SORCS2: variants seen among roughly 807,000 people sequenced by gnomAD.
SORCS2 encodes VPS10 domain-containing receptor SorCS2.
In SORCS2, 100 loss-of-function variants were observed where a neutral mutation model predicts 141.6. That is an observed-to-expected ratio of 0.71 (90% CI 0.60 to 0.83). The LOEUF (loss-of-function observed/expected upper bound fraction) is 0.83, where lower values mean the gene tolerates loss of function less well. SORCS2 is among the 40% of genes least tolerant of loss of function. SORCS2 has a pLI of 0.00. For missense variants in SORCS2, 1,646 were observed against 1,560.2 expected (o/e 1.05, Z -0.93); for synonymous variants, 789 against 676.9 (o/e 1.17, Z -2.57).
At chr4:7,735,891 A>G (rs1712126966) in intron 25 of SORCS2, among the ~76,000 whole-genome samples, 1 of 152,192 alleles carries the variant, frequency 6.6e-6, no homozygotes, top group Non-Finnish European at 1.5e-5. Flanking sequence ...AGGAGGTGGC[A>G]GGGGCGGCCT....
intron 1 of SORCS2, among the ~76,000 whole-genome samples, chr4:7,263,858 A>G (rs1208367888): frequency 6.6e-6 from 1 of 152,176 alleles, no homozygotes. Context: ...TCATCCACGG[A>G]GCTTGCTGGG....
intron 1 of SORCS2, among the ~76,000 whole-genome samples, chr4:7,222,948 C>T (rs1455719109): frequency 1.3e-5 from 2 of 152,138 alleles, no homozygotes; most frequent in African/African-American, 2.4e-5. Context: ...GACTTCTTTG[C>T]TTTTTTCAGG....
In SORCS2 at chr4:7,664,654, G is replaced by A. The variant is rs964096323; in HGVS notation, c.1071+183G>A. ...GCTGCAGCCATCCACAGAAGCCCTC[G>A]CAAGCCCAGAACTGTGGCTCAGGGA... On this transcript the variant is annotated intron_variant, in intron 7 of 26. Transcript: ENST00000507866. This position sits in a 1 kb window ranked among gnomAD's most constrained non-coding sequence, Gnocchi z 4.7. Among the ~76,000 whole-genome samples, 1 of 152,130 alleles carries A rather than the reference G, an allele frequency of 6.6e-6. No homozygotes were observed. The highest frequency in any genetic ancestry group is 1.5e-5 in the Non-Finnish European group (1 of 68,024).
intron 1 of SORCS2, among the ~76,000 whole-genome samples, chr4:7,386,192 C>A (rs1254180832): frequency 7.4e-6 from 1 of 136,018 alleles, no homozygotes; most frequent in African/African-American, 2.9e-5. Flanking sequence ...CACATGCACA[C>A]ACATACACAT....
At chr4:7,538,866 G>A (rs1364405613) in intron 3 of SORCS2, among the ~76,000 whole-genome samples, 2 of 152,232 alleles carry the variant, frequency 1.3e-5, no homozygotes, top group Admixed American at 1.3e-4. Context: ...TTTTTAAGAA[G>A]CTCAAAGTAT....
chr4:7,197,332 T>C (rs1486203457), intron 1 of SORCS2, among the ~76,000 whole-genome samples: 1 of 152,232 alleles, frequency 6.6e-6, no homozygotes, highest in Non-Finnish European at 1.5e-5. Flanking sequence ...GTATGGATTT[T>C]GGTGGGGGGA....
chr4:7,337,375 G>T (rs1225373274), intron 1 of SORCS2, among the ~76,000 whole-genome samples: 1 of 152,184 alleles, frequency 6.6e-6, no homozygotes, highest in African/African-American at 2.4e-5. Flanking sequence ...GAGTGGTCAG[G>T]CTTCATGCCG....
chr4:7,551,903 G>T (rs1713734691), intron 3 of SORCS2, among the ~76,000 whole-genome samples: 1 of 152,204 alleles, frequency 6.6e-6, no homozygotes, highest in Non-Finnish European at 1.5e-5. Flanking sequence ...TAATTACTCT[G>T]GTGTAAGAGA....
chr4:7,268,531 G>T (rs1245749531), intron 1 of SORCS2, among the ~76,000 whole-genome samples: 3 of 152,216 alleles, frequency 2.0e-5, no homozygotes, highest in Non-Finnish European at 4.4e-5. Flanking sequence ...GCCAGGATCA[G>T]GCACTGCTGT....
At chr4:7,449,520 G>T (rs1382020322) in intron 2 of SORCS2, among the ~76,000 whole-genome samples, 2 of 150,838 alleles carry the variant, frequency 1.3e-5, no homozygotes, top group Non-Finnish European at 2.9e-5. Flanking sequence ...CTCCCTGCCT[G>T]TGAGATGGGG....
chr4:7,643,838 A>G (rs932598399), intron 4 of SORCS2, among the ~76,000 whole-genome samples: 2 of 152,196 alleles, frequency 1.3e-5, no homozygotes, highest in Non-Finnish European at 2.9e-5. Flanking sequence ...CAGCAGGTTC[A>G]TGAACTGCCC....
rs1308597297 is a variant in SORCS2, at chr4:7,393,150, T to C, written c.481-3138T>C. 1.3e-5 allele frequency among the ~76,000 whole-genome samples: 2 copies of C among 152,160 alleles called. 1 individual carries two copies. Among genetic ancestry groups the C allele is most frequent in the Non-Finnish European group, 2.9e-5 (2 of 68,032 alleles). Reference sequence around the variant, plus strand: ...AGTGGCAGCCGCGGCCGACCTCTTGTGGACAGCAGTAGCTCTTCTTTCCTC... The same window carrying C: ...AGTGGCAGCCGCGGCCGACCTCTTGCGGACAGCAGTAGCTCTTCTTTCCTC... On this transcript the variant is annotated intron_variant, in intron 1 of 26. Transcript: ENST00000507866.
In SORCS2 at chr4:7,282,250, T is replaced by C. The variant is rs182337127; in HGVS notation, c.480+89124T>C. 3.3e-5 allele frequency among the ~76,000 whole-genome samples: 5 copies of C among 152,316 alleles called. No homozygotes were observed. In the East Asian group the frequency reaches 9.6e-4, roughly 29 times the overall value. On this transcript the variant is annotated intron_variant, in intron 1 of 26. Coordinates refer to ENST00000507866, the MANE Select transcript of SORCS2 (RefSeq NM_020777.3). ...ATGGGGCCTTTGCTCCCTAACGATG[T>C]TTAAATATCAACATGCAGTTATTCA... is the stretch of plus-strand genomic sequence containing the variant.
chr4:7,567,732 C>G (rs1715122557), intron 3 of SORCS2, among the ~76,000 whole-genome samples: 1 of 152,208 alleles, frequency 6.6e-6, no homozygotes, highest in African/African-American at 2.4e-5. Flanking sequence ...GAGTCTCCCT[C>G]CCCTTGAGAG....
At chr4:7,520,851 C>T (rs565867383) in intron 2 of SORCS2, among the ~76,000 whole-genome samples, 1 of 152,362 alleles carries the variant, frequency 6.6e-6, no homozygotes. Context: ...GGTCGGGCTG[C>T]AGTCAAGGTC....
At chr4:7,736,611 T>G (rs1712198892) in intron 25 of SORCS2, among the ~76,000 whole-genome samples, 1 of 152,060 alleles carries the variant, frequency 6.6e-6, no homozygotes, top group Admixed American at 6.5e-5. Flanking sequence ...CGCTGGGAAA[T>G]CGAGGACAGT....
rs560109433 is a variant in SORCS2, at chr4:7,450,803, G to A, written c.548+54448G>A. ...TGAATGAGGGAATGAATGAATGAGG[G>A]AAGGAATGAGGAATGAGTGTGTGAA... On this transcript the variant is annotated intron_variant, in intron 2 of 26. Transcript: ENST00000507866. Among the ~76,000 whole-genome samples the A allele has an allele frequency of 2.0e-5, 3 of 152,346 alleles. No individual in the cohort carries two copies. The South Asian group carries it at 6.2e-4, about 32-fold the overall frequency.
chr4:7,354,265 A>T (rs1180500965), intron 1 of SORCS2, among the ~76,000 whole-genome samples: 1 of 152,154 alleles, frequency 6.6e-6, no homozygotes, highest in Non-Finnish European at 1.5e-5. Context: ...ACTCACCTCA[A>T]TGTGAGCTCT....
In SORCS2 at chr4:7,352,402, C is replaced by T. The variant is rs752766389; in HGVS notation, c.481-43886C>T. On this transcript the variant is annotated intron_variant, in intron 1 of 26. Coordinates refer to ENST00000507866, the MANE Select transcript of SORCS2 (RefSeq NM_020777.3). ...CAGAGGTGTGTGGGCCAGTGCTACA[C>T]GGTGGCTTTGGGCAGTGCTGGGACT... Among the ~76,000 whole-genome samples the T allele has an allele frequency of 3.0e-4, 45 of 152,200 alleles. 1 individual carries two copies. The highest frequency in any genetic ancestry group is 9.8e-4 in the Admixed American group (15 of 15,288).
Sources: gnomAD v4.1 joint callset for allele counts (sites outside exome capture counted in the v4.1 genomes callset) on GRCh38, gnomAD v4.1.1 for gene constraint, Gnocchi (gnomAD v3.1) non-coding constraint, MANE v1.5 for transcripts, NCBI Gene and HGNC (gene_info 2026-07-23, HGNC 2026-07-21) for gene names.